Variants in MCTP1 observed in about 807,000 individuals in gnomAD.
The protein encoded by MCTP1 is multiple C2 and transmembrane domain-containing protein 1.
MCTP1 carries 69 observed loss-of-function variants against 120.6 expected under a neutral mutation model. That is an observed-to-expected ratio of 0.57 (90% CI 0.47 to 0.70). The LOEUF (loss-of-function observed/expected upper bound fraction) is 0.70, where lower values mean the gene tolerates loss of function less well. Ranked by LOEUF, MCTP1 falls within the 30% of genes least tolerant of loss-of-function variation. The pLI, the probability that MCTP1 is intolerant of heterozygous loss-of-function variation, is 0.00. For synonymous variants in MCTP1, 529 were observed against 493.1 expected, an observed-to-expected ratio of 1.07 and a Z score of -0.96; for missense variants, 1,203 against 1,248.8, an observed-to-expected ratio of 0.96 and a Z score of 0.55.
intron 1 of MCTP1, among the ~76,000 whole-genome samples, chr5:95,194,255 AAAGAG>A (rs998178620): frequency 2.0e-5 from 3 of 152,092 alleles, no homozygotes; most frequent in Admixed American, 6.6e-5. Flanking sequence ...AAGAAAAGAA[AAAGAG>A]AAGAGAAGAG....
At chr5:95,261,384 G>GA (rs986456337) in intron 1 of MCTP1, among the ~76,000 whole-genome samples, 27 of 151,988 alleles carry the variant, frequency 1.8e-4, no homozygotes, top group African/African-American at 5.8e-4. Context: ...TTCTGTAGCT[G>GA]AAAAAAAAGA....
chr5:95,045,983 A>T (rs1843066970), intron 1 of MCTP1, among the ~76,000 whole-genome samples: 1 of 152,142 alleles, frequency 6.6e-6, no homozygotes, highest in Admixed American at 6.6e-5. Context: ...GTCATGCTTC[A>T]TTGGGCTCTG....
chr5:95,101,091 A>G (rs1232175658), intron 1 of MCTP1, among the ~76,000 whole-genome samples: 2 of 136,840 alleles, frequency 1.5e-5, no homozygotes, highest in Non-Finnish European at 3.0e-5. Context: ...GAAAGAAAGT[A>G]AAAAAAAAAC....
At chr5:94,972,734 T>C (rs1345725366) in intron 2 of MCTP1, among the ~76,000 whole-genome samples, 2 of 152,180 alleles carry the variant, frequency 1.3e-5, no homozygotes, top group Admixed American at 1.3e-4. Flanking sequence ...ACTTTTCAAA[T>C]AGATTTTCCT....
At position 95,274,897 on chromosome 5, in the gene MCTP1, T is replaced by C. The variant is rs1316405767; in HGVS notation, c.720+8959A>G. On this transcript the variant is annotated intron_variant, in intron 1 of 22. Coordinates refer to ENST00000515393, the MANE Select transcript of MCTP1 (RefSeq NM_024717.7). ...CTCGGCCTCCCAAAGGCTACTGTTT[T>C]GTTTTATCATCTGTATAGAGCCAAA... 3.3e-5 allele frequency among the ~76,000 whole-genome samples: 5 copies of C among 152,230 alleles called. No individual in the cohort carries two copies. In the South Asian group the frequency reaches 1.0e-3, roughly 32 times the overall value.
At chr5:94,832,833 C>T (rs1788857825) in intron 17 of MCTP1, among the ~76,000 whole-genome samples, 2 of 152,216 alleles carry the variant, frequency 1.3e-5, no homozygotes, top group African/African-American at 4.8e-5. Context: ...TATTCAGGCT[C>T]ACTGCGAAGA....
In MCTP1 at chr5:94,751,416, G is replaced by A. The variant is rs1234563111; in HGVS notation, c.2610+27694C>T. Reference sequence around the variant, plus strand: ...AGGGGCAAGGTGGGGTGGAGACAGGGGGTGAGGATGAGCATGAAGAAAAAA... The same window carrying A: ...AGGGGCAAGGTGGGGTGGAGACAGGAGGTGAGGATGAGCATGAAGAAAAAA... On this transcript the variant is annotated intron_variant, in intron 19 of 22. Coordinates refer to ENST00000515393, the MANE Select transcript of MCTP1 (RefSeq NM_024717.7). 2.6e-5 allele frequency among the ~76,000 whole-genome samples: 4 copies of A among 151,302 alleles called. No individual in the cohort carries two copies. The East Asian group carries it at 5.8e-4, about 22-fold the overall frequency.
At chr5:94,937,840 C>G (rs201707757) in intron 5 of MCTP1, among the ~76,000 whole-genome samples, 1 of 151,994 alleles carries the variant, frequency 6.6e-6, no homozygotes, top group Admixed American at 6.6e-5. Context: ...CAAATCACCA[C>G]AATCGCTGCT....
At chr5:95,183,778 T>A (rs938430225) in intron 1 of MCTP1, among the ~76,000 whole-genome samples, 1 of 152,160 alleles carries the variant, frequency 6.6e-6, no homozygotes, top group Non-Finnish European at 1.5e-5. Context: ...AAATCACAAT[T>A]AGATACTACT....
chr5:95,144,762 T>G (rs1031103124), intron 1 of MCTP1, among the ~76,000 whole-genome samples: 7 of 152,220 alleles, frequency 4.6e-5, no homozygotes, highest in African/African-American at 1.7e-4. Flanking sequence ...TCCATTGGTC[T>G]GTGTATCTGT....
At chr5:94,924,204 A>T (rs984132024) in intron 6 of MCTP1, among the ~76,000 whole-genome samples, 183 bp from the exon 7 acceptor site, 5 of 152,132 alleles carry the variant, frequency 3.3e-5, no homozygotes, top group African/African-American at 1.2e-4. Context: ...TTGTGGTAGT[A>T]AAGTTTAGAG....
chr5:95,178,249 G>C (rs1032905519), intron 1 of MCTP1, among the ~76,000 whole-genome samples: 1 of 152,204 alleles, frequency 6.6e-6, no homozygotes, highest in African/African-American at 2.4e-5. Flanking sequence ...CCCACCTAGT[G>C]GTCTTTCTCT....
At chr5:94,888,561 G>A (rs1173486125) in intron 12 of MCTP1, among the ~76,000 whole-genome samples, 1 of 152,194 alleles carries the variant, frequency 6.6e-6, no homozygotes, top group African/African-American at 2.4e-5. Flanking sequence ...AGCTGATTCT[G>A]TAAAGCATTG....
chr5:94,800,765 G>A (rs1039560431), intron 17 of MCTP1, among the ~76,000 whole-genome samples: 2 of 151,714 alleles, frequency 1.3e-5, no homozygotes, highest in African/African-American at 4.8e-5. Context: ...AACCAAGTGG[G>A]CACCAAAAAG....
chr5:94,836,332 A>G (rs2153184142), intron 17 of MCTP1, among the ~76,000 whole-genome samples: 1 of 152,246 alleles, frequency 6.6e-6, no homozygotes, highest in Non-Finnish European at 1.5e-5. Flanking sequence ...CCAGTCCTCC[A>G]GGGCTTACTA....
chr5:94,765,206 G>A (rs1410315924), intron 19 of MCTP1, among the ~76,000 whole-genome samples: 2 of 151,920 alleles, frequency 1.3e-5, no homozygotes, highest in Non-Finnish European at 2.9e-5. Flanking sequence ...AATAAAAATA[G>A]AAACACAACA....
At chr5:95,215,955 A>G (rs1752991568) in intron 1 of MCTP1, among the ~76,000 whole-genome samples, 1 of 152,224 alleles carries the variant, frequency 6.6e-6, no homozygotes, top group Admixed American at 6.5e-5. Flanking sequence ...CCTTTATTCT[A>G]TCTAAAGGGA....
chr5:95,284,542 C>T lies in MCTP1; in HGVS notation c.34G>A (p.Glu12Lys). 2 of 1,464,402 alleles carry T rather than the reference C, an allele frequency of 1.4e-6. No individual in the cohort carries two copies. Among genetic ancestry groups the T allele is most frequent in the South Asian group, 1.4e-5 (1 of 73,514 alleles). The allele number at this position is 1,464,402 out of a possible 1,614,324, so 90.7% of individuals were successfully genotyped here. The change falls in exon 1 of 23, where the codon GAG (glutamate) becomes AAG (lysine). Residue 12 changes from glutamate to lysine, a missense_variant. By Grantham distance (56) the Glu-to-Lys change is moderately conservative. Coordinates refer to ENST00000515393, the MANE Select transcript of MCTP1 (RefSeq NM_024717.7). The surrounding 1 kb of genome is among the most constrained non-coding windows in gnomAD (Gnocchi z 5.2). ...AAGGAGGAGGACGCCGCCGGCGGCT[C>T]TGGCTCGCCCGCCGCGGCAGCCCGG... The part of the protein sequence containing the change: ...EPRAAAAGEP[E>K]PPAASSSFQA...
intron 1 of MCTP1, among the ~76,000 whole-genome samples, chr5:95,216,666 A>G (rs183707166): frequency 6.6e-6 from 1 of 152,326 alleles, no homozygotes; most frequent in Non-Finnish European, 1.5e-5. Flanking sequence ...AGGTCACACA[A>G]ACTGAGAAGT....
Sources: gnomAD v4.1 joint callset for allele counts (sites outside exome capture counted in the v4.1 genomes callset) on GRCh38, gnomAD v4.1.1 for gene constraint, Gnocchi (gnomAD v3.1) non-coding constraint, MANE v1.5 for transcripts, NCBI Gene and HGNC (gene_info 2026-07-23, HGNC 2026-07-21) for gene names.